Variants in DLG2 observed in about 807,000 individuals in gnomAD.
DLG2 encodes discs large MAGUK scaffold protein 2.
A neutral mutation model predicts 132.5 loss-of-function variants in DLG2; 45 were observed. That is an observed-to-expected ratio of 0.34 (90% CI 0.27 to 0.44). DLG2 has a LOEUF of 0.44. Among genes scored for constraint, DLG2 ranks in the 20% least tolerant of loss-of-function variants. DLG2 has a pLI of 1.00. For synonymous variants in DLG2, 424 were observed against 419.6 expected, an observed-to-expected ratio of 1.01 and a Z score of -0.13; for missense variants, 1,045 against 1,196.9, an observed-to-expected ratio of 0.87 and a Z score of 1.87.
chr11:85,407,188 A>G (rs750437831), intron 3 of DLG2, among the ~76,000 whole-genome samples: 9 of 151,924 alleles, frequency 5.9e-5, no homozygotes, highest in Admixed American at 3.3e-4. Flanking sequence ...TCAGGCCATT[A>G]TAAGAACTCT....
At chr11:84,753,413 G>A (rs1275069529) in intron 6 of DLG2, among the ~76,000 whole-genome samples, 3 of 152,178 alleles carry the variant, frequency 2.0e-5, no homozygotes, top group Admixed American at 2.0e-4. Flanking sequence ...GGTAACAGTA[G>A]TAAGAAGTAG....
At chr11:84,170,389 T>A (rs67541540) in intron 8 of DLG2, among the ~76,000 whole-genome samples, 8,697 of 152,192 alleles carry the variant, frequency 0.057, 311 homozygotes, top group African/African-American at 0.089. Context: ...AGATACAAAG[T>A]TGGGTGAAAT....
At chr11:83,661,896 GACA>G (rs1319807686) in intron 18 of DLG2, among the ~76,000 whole-genome samples, 1 of 152,180 alleles carries the variant, frequency 6.6e-6, no homozygotes. Context: ...TCATGTAAAT[GACA>G]ACATTAACAC....
intron 3 of DLG2, among the ~76,000 whole-genome samples, chr11:85,534,230 T>C (rs1339778907): frequency 6.6e-6 from 1 of 152,148 alleles, no homozygotes; most frequent in Non-Finnish European, 1.5e-5. Flanking sequence ...ATTAAAAGTG[T>C]GAAAGGTGCG....
chr11:84,229,786 C>T (rs979231621), intron 8 of DLG2, among the ~76,000 whole-genome samples: 24 of 152,290 alleles, frequency 1.6e-4, no homozygotes, highest in African/African-American at 5.1e-4. Flanking sequence ...TTTTTTAAAT[C>T]ATCAAATGAG....
At chr11:85,085,913 A>G (rs921061159) in intron 6 of DLG2, among the ~76,000 whole-genome samples, 11 of 152,092 alleles carry the variant, frequency 7.2e-5, no homozygotes, top group African/African-American at 2.4e-4. Flanking sequence ...TGTCAATTCT[A>G]TGTGGTTAGG....
intron 6 of DLG2, among the ~76,000 whole-genome samples, chr11:85,016,900 C>T (rs1446413962): frequency 1.3e-5 from 2 of 149,458 alleles, no homozygotes; most frequent in African/African-American, 4.8e-5. Context: ...AGGCCTTTTC[C>T]TACTCTCTTC....
At chr11:85,135,939 A>G (rs554620874) in intron 5 of DLG2, among the ~76,000 whole-genome samples, 6 of 152,318 alleles carry the variant, frequency 3.9e-5, no homozygotes, top group African/African-American at 1.4e-4. Context: ...AGAATGGAGC[A>G]GTGAGGGAAA....
chr11:84,496,235 T>C (rs2099183379), intron 7 of DLG2, among the ~76,000 whole-genome samples: 1 of 152,224 alleles, frequency 6.6e-6, no homozygotes, highest in East Asian at 1.9e-4. Flanking sequence ...TTTACTTAAT[T>C]GCCAGGAAAG....
Position 85,054,137 on chromosome 11 carries a change from T to C in DLG2, c.357+57524A>G, listed in dbSNP as rs1331629910. On this transcript the variant is annotated intron_variant, in intron 6 of 27. Transcript: ENST00000376104. ...AAATTTAGCTGGGTGTGCTGGTGCA[T>C]GCCTGTAACCCCAGATACTGGGGAG... is the stretch of plus-strand genomic sequence containing the variant. Among the ~76,000 whole-genome samples the C allele has an allele frequency of 4.0e-5, 6 of 151,688 alleles. No homozygotes were observed. The East Asian group carries it at 5.9e-4, about 15-fold the overall frequency.
intron 4 of DLG2, among the ~76,000 whole-genome samples, chr11:85,240,371 G>A (rs2075816342): frequency 1.3e-5 from 2 of 151,674 alleles, no homozygotes; most frequent in African/African-American, 4.8e-5. Flanking sequence ...CTAATTGTTT[G>A]TAACTTGGTT....
intron 6 of DLG2, among the ~76,000 whole-genome samples, chr11:85,019,256 T>C (rs182082152): frequency 2.0e-5 from 3 of 152,234 alleles, no homozygotes; most frequent in African/African-American, 7.2e-5. Flanking sequence ...AGGGTAAGAC[T>C]TAACAAAACT....
intron 14 of DLG2, among the ~76,000 whole-genome samples, chr11:83,954,521 T>C (rs12803685): frequency 0.014 from 2,194 of 152,304 alleles, 26 homozygotes; most frequent in Non-Finnish European, 0.025. Context: ...TACCAGTCTC[T>C]ATGTTGGAGA....
chr11:84,257,789 C>T (rs897201130), intron 7 of DLG2, among the ~76,000 whole-genome samples: 3 of 150,952 alleles, frequency 2.0e-5, no homozygotes, highest in African/African-American at 4.9e-5. Context: ...CAAGCTCAAG[C>T]CATCCTCCCA....
At chr11:84,340,475 T>TA (rs1270687533) in intron 7 of DLG2, among the ~76,000 whole-genome samples, 13 of 152,174 alleles carry the variant, frequency 8.5e-5, no homozygotes, top group Admixed American at 2.0e-4. Context: ...AGAAAAAAGA[T>TA]ACTACATACT....
chr11:84,171,936 C>T (rs1166928796), intron 8 of DLG2, among the ~76,000 whole-genome samples: 1 of 152,102 alleles, frequency 6.6e-6, no homozygotes, highest in Non-Finnish European at 1.5e-5. Context: ...ACTATCTTCA[C>T]TAAAGATAGT....
At chr11:85,134,143 A>G (rs2075963684) in intron 5 of DLG2, among the ~76,000 whole-genome samples, 1 of 152,120 alleles carries the variant, frequency 6.6e-6, no homozygotes. Flanking sequence ...AAGAAAATAC[A>G]TAGTCAACTG....
intron 3 of DLG2, among the ~76,000 whole-genome samples, chr11:85,575,026 T>A (rs1197072158): frequency 6.6e-6 from 1 of 151,994 alleles, no homozygotes; most frequent in Non-Finnish European, 1.5e-5. Flanking sequence ...CCAACTCCTC[T>A]CCTACATTTT....
At chr11:83,746,241 G>A (rs1334760092) in intron 18 of DLG2, among the ~76,000 whole-genome samples, 1 of 152,110 alleles carries the variant, frequency 6.6e-6, no homozygotes, top group Non-Finnish European at 1.5e-5. Flanking sequence ...ATACCCAAAG[G>A]ATTATAAATC....
Sources: allele counts gnomAD v4.1 joint callset (sites outside exome capture counted in the v4.1 genomes callset), GRCh38; gene constraint gnomAD v4.1.1; transcripts MANE v1.5; gene names NCBI Gene and HGNC (gene_info 2026-07-23, HGNC 2026-07-21).